Variants in MAL observed in about 807,000 individuals in gnomAD.
MAL encodes the protein mal, T cell differentiation protein (MAL blood group).
Under a neutral mutation model 16.7 loss-of-function variants are expected in MAL, and 5 were observed. The observed-to-expected ratio is 0.30, with a 90% CI of 0.16 to 0.63. The LOEUF (loss-of-function observed/expected upper bound fraction) is 0.63. Among genes scored for constraint, MAL ranks in the 30% least tolerant of loss-of-function variants. MAL has a pLI of 0.82. For missense variants in MAL, 202 were observed against 195.8 expected, an observed-to-expected ratio of 1.03 and a Z score of -0.19; for synonymous variants, 96 against 85.5, an observed-to-expected ratio of 1.12 and a Z score of -0.67.
rs532084852 is a variant in MAL, at chr2:95,049,915, C to T, written c.387+209C>T. The stretch of plus-strand genomic sequence containing the variant: ...ACTCCGCTTAGTCGTCCGGCCAGGG[C>T]TGCATGCCCCAGGCCTGCGTGGGCT... On this transcript the variant is annotated intron_variant, in intron 3 of 3. Coordinates refer to ENST00000309988, the MANE Select transcript of MAL (RefSeq NM_002371.4). Among the ~76,000 whole-genome samples the T allele has an allele frequency of 2.7e-4, 41 of 152,264 alleles. No homozygotes were observed. In the South Asian group the frequency reaches 8.3e-3, roughly 31 times the overall value.
intron 1 of MAL, among the ~76,000 whole-genome samples, chr2:95,038,572 GTGAC>G (rs1319576592): frequency 2.5e-4 from 37 of 150,788 alleles, no homozygotes; most frequent in African/African-American, 8.0e-4. Flanking sequence ...GAGTGACTGA[GTGAC>G]TGAGTGAGTG....
chr2:95,045,569 G>A (rs1379291203), intron 1 of MAL, among the ~76,000 whole-genome samples: 1 of 152,244 alleles, frequency 6.6e-6, no homozygotes, highest in East Asian at 1.9e-4. Flanking sequence ...GAGTGCTACA[G>A]AGAAGACGTG....
chr2:95,030,191 C>T (rs186743188), intron 1 of MAL, among the ~76,000 whole-genome samples: 10 of 152,228 alleles, frequency 6.6e-5, no homozygotes, highest in Admixed American at 5.9e-4. Flanking sequence ...CTGAAAGCTG[C>T]AGAGTCCTCA....
At chr2:95,038,856 C>A (rs371820278) in intron 1 of MAL, among the ~76,000 whole-genome samples, 1 of 7,998 alleles carries the variant, frequency 1.3e-4, no homozygotes, top group African/African-American at 1.1e-3. Flanking sequence ...GACCGAGTGA[C>A]TGAGTGAGTG....
chr2:95,038,707 G>T (rs1230022103), intron 1 of MAL, among the ~76,000 whole-genome samples: 1 of 122,730 alleles, frequency 8.1e-6, no homozygotes, highest in Non-Finnish European at 1.7e-5. Context: ...TGACTGAGTG[G>T]GTGAGTGACT....
intron 1 of MAL, among the ~76,000 whole-genome samples, chr2:95,043,850 C>T (rs1674525568): frequency 1.3e-5 from 2 of 152,256 alleles, no homozygotes; most frequent in South Asian, 4.1e-4. Flanking sequence ...GACCGCCCCA[C>T]TGCCCATCCC....
chr2:95,043,597 C>A (rs373222064), intron 1 of MAL, among the ~76,000 whole-genome samples: 1 of 152,214 alleles, frequency 6.6e-6, no homozygotes, highest in African/African-American at 2.4e-5. Flanking sequence ...GAGAAGACCG[C>A]GGCAAAGGCC....
chr2:95,048,227 C>T (rs1674635243), intron 2 of MAL, 101 bp downstream of exon 2: 1 of 1,194,550 alleles, frequency 8.4e-7, no homozygotes, highest in Non-Finnish European at 1.2e-6. Context: ...TGAGACTTCT[C>T]CGTAGATGTC....
intron 1 of MAL, among the ~76,000 whole-genome samples, chr2:95,038,054 CAGTG>C (rs1332189814): frequency 1.0e-4 from 8 of 79,578 alleles, no homozygotes; most frequent in Non-Finnish European, 1.8e-4. Flanking sequence ...GTGAGTGACT[CAGTG>C]AGTGAGTGAC....
chr2:95,035,825 A>G (rs1674191741), intron 1 of MAL, among the ~76,000 whole-genome samples: 1 of 151,584 alleles, frequency 6.6e-6, no homozygotes, highest in African/African-American at 2.4e-5. Context: ...GCCCACCACC[A>G]CACCCGGCTA....
intron 3 of MAL, among the ~76,000 whole-genome samples, chr2:95,050,508 C>T (rs1164992929): frequency 6.6e-6 from 1 of 152,220 alleles, no homozygotes; most frequent in African/African-American, 2.4e-5. Context: ...GAGATACCAG[C>T]TCTAGTAGCC....
chr2:95,050,792 G>A (rs897228940), intron 3 of MAL, among the ~76,000 whole-genome samples: 13 of 152,326 alleles, frequency 8.5e-5, no homozygotes, highest in African/African-American at 2.9e-4. Context: ...GTCCCGCGGT[G>A]TGGAAACATC....
intron 1 of MAL, among the ~76,000 whole-genome samples, chr2:95,041,225 G>A (rs747629731): frequency 6.6e-6 from 1 of 152,210 alleles, no homozygotes; most frequent in Non-Finnish European, 1.5e-5. Flanking sequence ...GAATGTGCCA[G>A]AGAATGCGTC....
At chr2:95,028,832 A>G (rs1674012068) in intron 1 of MAL, among the ~76,000 whole-genome samples, 1 of 152,262 alleles carries the variant, frequency 6.6e-6, no homozygotes, top group African/African-American at 2.4e-5. Context: ...TTCCGTTTAT[A>G]TAAAATACTG....
intron 1 of MAL, among the ~76,000 whole-genome samples, chr2:95,031,150 C>T (rs887727698): frequency 3.3e-5 from 5 of 152,170 alleles, no homozygotes; most frequent in East Asian, 1.9e-4. Flanking sequence ...CCTGGGTCAC[C>T]GGGTCTCCAG....
chr2:95,035,167 C>T (rs556633374), intron 1 of MAL, among the ~76,000 whole-genome samples: 4 of 152,200 alleles, frequency 2.6e-5, no homozygotes, highest in African/African-American at 9.6e-5. Flanking sequence ...CTTCTGTCGC[C>T]TCTGGCAGGT....
At chr2:95,042,560 C>A (rs1352758818) in intron 1 of MAL, among the ~76,000 whole-genome samples, 1 of 152,208 alleles carries the variant, frequency 6.6e-6, no homozygotes, top group Non-Finnish European at 1.5e-5. Context: ...AGCCACCCAA[C>A]TGGAGACCTT....
At chr2:95,045,431 G>A (rs1196046999) in intron 1 of MAL, among the ~76,000 whole-genome samples, 2 of 152,192 alleles carry the variant, frequency 1.3e-5, no homozygotes, top group African/African-American at 4.8e-5. Context: ...ACCGATGCAT[G>A]GCTGGATGGG....
intron 1 of MAL, among the ~76,000 whole-genome samples, chr2:95,032,519 A>G (rs922322491): frequency 6.6e-6 from 1 of 152,196 alleles, no homozygotes; most frequent in African/African-American, 2.4e-5. Context: ...AGGTGCTGAT[A>G]GGACACCCCA....
Sources: gnomAD v4.1 joint callset for allele counts (sites outside exome capture counted in the v4.1 genomes callset) on GRCh38, gnomAD v4.1.1 for gene constraint, MANE v1.5 for transcripts, NCBI Gene and HGNC (gene_info 2026-07-23, HGNC 2026-07-21) for gene names.